The following CHRNA5 variants were observed in gnomAD, a reference collection of about 807,000 sequenced individuals.
The protein encoded by CHRNA5 is cholinergic receptor nicotinic alpha 5 subunit.
In CHRNA5, 28 loss-of-function variants were observed where a neutral mutation model predicts 41.2. The ratio of observed to expected loss-of-function variants is 0.68; its 90% CI spans 0.50 to 0.93. CHRNA5 has a LOEUF of 0.93. Among genes scored for constraint, CHRNA5 ranks in the 40% least tolerant of loss-of-function variants. The pLI, the probability that CHRNA5 is intolerant of heterozygous loss-of-function variation, is 0.00. For missense variants in CHRNA5, 481 were observed against 581.9 expected (o/e 0.83, Z 1.78); for synonymous variants, 188 against 205.8 (o/e 0.91, Z 0.74).
chr15:78,578,076 A>G (rs1171829392), intron 1 of CHRNA5, among the ~76,000 whole-genome samples: 3 of 152,234 alleles, frequency 2.0e-5, no homozygotes, highest in South Asian at 2.1e-4. Context: ...AATGGCTTTT[A>G]AACATTAAGA....
chr15:78,570,943 C>G (rs1400914726), intron 1 of CHRNA5, among the ~76,000 whole-genome samples: 3 of 152,180 alleles, frequency 2.0e-5, no homozygotes, highest in African/African-American at 7.2e-5. Flanking sequence ...CAGACATTGT[C>G]AGATGTGCCC....
intron 2 of CHRNA5, 95 bp downstream of exon 2, chr15:78,581,057 A>G: frequency 2.3e-6 from 3 of 1,292,560 alleles, no homozygotes; most frequent in Non-Finnish European, 1.1e-6. Context: ...AGGATTACAA[A>G]GGTGATTGAA....
At chr15:78,566,510 TAG>T (rs2052749270) in intron 1 of CHRNA5, among the ~76,000 whole-genome samples, 2 of 152,220 alleles carry the variant, frequency 1.3e-5, no homozygotes, top group South Asian at 2.1e-4. Flanking sequence ...GGGAAAGTTT[TAG>T]AGTCAGTTCT....
At chr15:78,576,859 G>A (rs1246271799) in intron 1 of CHRNA5, among the ~76,000 whole-genome samples, 1 of 151,426 alleles carries the variant, frequency 6.6e-6, no homozygotes, top group Non-Finnish European at 1.5e-5. Context: ...GTGCTATAGA[G>A]ATGCCAAAAA....
chr15:78,579,472 T>C (rs2052890187), intron 1 of CHRNA5, among the ~76,000 whole-genome samples: 1 of 152,224 alleles, frequency 6.6e-6, no homozygotes, highest in South Asian at 2.1e-4. Flanking sequence ...CAGGTTCGTC[T>C]CGAACTCCTT....
At chr15:78,594,393 A>G (rs2053065016) in exon 6 of CHRNA5, 3 of 152,070 alleles carry the variant, frequency 2.0e-5, no homozygotes, top group Admixed American at 2.0e-4. Flanking sequence ...AAACATATTT[A>G]GGGCCGGGGG....
At chr15:78,576,308 G>A (rs770092467) in intron 1 of CHRNA5, among the ~76,000 whole-genome samples, 1 of 152,096 alleles carries the variant, frequency 6.6e-6, no homozygotes, top group Non-Finnish European at 1.5e-5. Context: ...TACACGCCCA[G>A]CTCATTATTG....
chr15:78,588,413 T>C lies in CHRNA5; in HGVS notation c.403T>C (p.Leu135=). Residue 135 remains leucine (L), a synonymous_variant, in exon 4 of 6, where the codon TTG becomes CTG. Coordinates refer to ENST00000299565, the Ensembl canonical transcript of CHRNA5. This position sits in a 1 kb window ranked among gnomAD's most constrained non-coding sequence, Gnocchi z 4.1. ...CTCTGTCTGGACACCAGACATCGTT[T>C]TGTTTGATAAGTAAGTTATATTCTA... 1 of 1,490,548 alleles carries C rather than the reference T, an allele frequency of 6.7e-7. No individual in the cohort carries two copies. The highest frequency in any genetic ancestry group is 9.1e-7 in the Non-Finnish European group (1 of 1,095,540). 92.3% of individuals were successfully genotyped at this position (1,490,548 alleles called of 1,614,324 possible). A position where few individuals can be genotyped will look rare whatever the true frequency, so the allele number is the denominator to read the frequency against.
intron 2 of CHRNA5, among the ~76,000 whole-genome samples, chr15:78,585,787 C>CTTTTTT (rs1315604579): frequency 4.8e-5 from 3 of 62,548 alleles, no homozygotes; most frequent in African/African-American, 6.9e-5. Flanking sequence ...CTTTTCTTTT[C>CTTTTTT]TTTCTTTTTT....
intron 1 of CHRNA5, among the ~76,000 whole-genome samples, chr15:78,579,495 C>G (rs1212354099): frequency 6.6e-6 from 1 of 152,200 alleles, no homozygotes. Flanking sequence ...CTCAGGTAAT[C>G]TGTCCGCCTC....
At chr15:78,575,678 A>G (rs2052850044) in intron 1 of CHRNA5, among the ~76,000 whole-genome samples, 1 of 152,232 alleles carries the variant, frequency 6.6e-6, no homozygotes, top group African/African-American at 2.4e-5. Flanking sequence ...TTTATGGAAG[A>G]ATAAGAACGA....
chr15:78,590,346 T>A, exon 5 of CHRNA5: 2 of 1,614,204 alleles, frequency 1.2e-6, no homozygotes, highest in Non-Finnish European at 1.7e-6. Flanking sequence ...GTATCTGGTA[T>A]TTACCATGAT....
chr15:78,593,338 T>G, exon 6 of CHRNA5: 1 of 1,354,860 alleles, frequency 7.4e-7, no homozygotes, highest in Non-Finnish European at 9.8e-7. Context: ...GTAAGTTATG[T>G]GTTAAATTTA....
At chr15:78,590,294 G>A in exon 5 of CHRNA5, 1 of 1,613,884 alleles carries the variant, frequency 6.2e-7, no homozygotes, top group African/African-American at 1.3e-5. Context: ...TTATTGAAGA[G>A]ATCATACCAT....
At chr15:78,579,237 A>ATTTG (rs66694705) in intron 1 of CHRNA5, among the ~76,000 whole-genome samples, 27 of 150,082 alleles carry the variant, frequency 1.8e-4, no homozygotes, top group African/African-American at 6.4e-4. Flanking sequence ...TTTATTTATT[A>ATTTG]TTTGTTTGTT....
intron 3 of CHRNA5, among the ~76,000 whole-genome samples, chr15:78,587,562 A>G (rs2052972748): frequency 6.6e-6 from 1 of 152,058 alleles, no homozygotes; most frequent in Admixed American, 6.6e-5. Context: ...GGTGTAGGAG[A>G]TGGCATCAGA....
rs1033418938 is a variant in CHRNA5 at position 78,579,206 on chromosome 15, T to C, written c.107-1605T>C. Among the ~76,000 whole-genome samples the C allele has an allele frequency of 2.0e-5, 3 of 150,518 alleles. No homozygotes were observed. The Admixed American group carries it at 2.0e-4, about 10-fold the overall frequency. On this transcript the variant is annotated intron_variant, in intron 1 of 5. Coordinates refer to ENST00000299565, the Ensembl canonical transcript of CHRNA5. ...ATTATTTAGCCAACCATGTTCACAT[T>C]CTCACATATACATACATTTATTTAT...
chr15:78,584,339 G>A (rs745920721), intron 2 of CHRNA5, among the ~76,000 whole-genome samples: 1 of 151,888 alleles, frequency 6.6e-6, no homozygotes, highest in Non-Finnish European at 1.5e-5. Flanking sequence ...TTATAAATAC[G>A]ATTACCCCTG....
chr15:78,590,566 C>T (rs1408455371), exon 5 of CHRNA5: 16 of 1,614,196 alleles, frequency 9.9e-6, no homozygotes, highest in Non-Finnish European at 1.2e-5. Context: ...TCTAGAAACA[C>T]ATTGGAAGCT....
Sources: allele counts gnomAD v4.1 joint callset (sites outside exome capture counted in the v4.1 genomes callset), GRCh38; gene constraint gnomAD v4.1.1; non-coding constraint Gnocchi (gnomAD v3.1); transcripts MANE v1.5; gene names NCBI Gene and HGNC (gene_info 2026-07-23, HGNC 2026-07-21).